TBC1D4: variants seen among roughly 807,000 people sequenced by gnomAD.
TBC1D4 encodes TBC (Tre-2, BUB2, CDC16) domain-containing protein.
A neutral mutation model predicts 142.5 loss-of-function variants in TBC1D4; 121 were observed. The ratio of observed to expected loss-of-function variants is 0.85; its 90% CI spans 0.73 to 0.99. The LOEUF is 0.99. Among genes scored for constraint, TBC1D4 ranks in the 50% least tolerant of loss-of-function variants. TBC1D4 has a pLI of 0.00. For synonymous variants in TBC1D4, 630 were observed against 628.2 expected (o/e 1.00, Z -0.04); for missense variants, 1,475 against 1,606.6 (o/e 0.92, Z 1.40).
At chr13:75,456,850 A>C (rs1489448219) in intron 1 of TBC1D4, among the ~76,000 whole-genome samples, 1 of 151,810 alleles carries the variant, frequency 6.6e-6, no homozygotes, top group African/African-American at 2.4e-5. Flanking sequence ...AAAAATGTCC[A>C]TAACACCTTT....
intron 1 of TBC1D4, among the ~76,000 whole-genome samples, chr13:75,441,755 C>G (rs1887051343): frequency 6.6e-6 from 1 of 152,160 alleles, no homozygotes; most frequent in African/African-American, 2.4e-5. Context: ...ACCCTTCAGC[C>G]TTCCCCAGTC....
rs115735788 is a variant in TBC1D4, at chr13:75,391,787, C to T, written c.499-29180G>A. 3.8e-3 allele frequency among the ~76,000 whole-genome samples: 585 copies of T among 152,330 alleles called. 8 individuals carry two copies. The highest frequency in any genetic ancestry group is 0.012 in the African/African-American group (508 of 41,576). On this transcript the variant is annotated intron_variant, in intron 1 of 20. Transcript: ENST00000377636. Reference sequence around the variant, plus strand: ...CTCTCTGAGCTCCTCGCCTGCCACTCTCCCTTACTCAGTCCACTCCAGCCA... The same window carrying T: ...CTCTCTGAGCTCCTCGCCTGCCACTTTCCCTTACTCAGTCCACTCCAGCCA...
At chr13:75,307,450 G>A (rs1339168960) in intron 14 of TBC1D4, among the ~76,000 whole-genome samples, 1 of 152,188 alleles carries the variant, frequency 6.6e-6, no homozygotes, top group South Asian at 2.1e-4. Context: ...ATGAAAAACT[G>A]ATTTCAAAAG....
At position 75,481,764 on chromosome 13, in the gene TBC1D4, C is replaced by T; in HGVS notation, c.4G>A (p.Glu2Lys). 6.4e-7 allele frequency: 1 copy of T among 1,574,394 alleles called. No individual in the cohort carries two copies. The highest frequency in any genetic ancestry group is 1.2e-5 in the South Asian group (1 of 85,708). ...TCATCCTGAATGCAGCTGGGCGGCT[C>T]CATAACTCTCGCCTCACCAGGGCAC... is the stretch of plus-strand genomic sequence containing the variant. The part of the protein sequence containing the change: M[E>K]PPSCIQDEPF... Residue 2 changes from glutamate (E) to lysine (K), a missense_variant, in exon 1 of 21, where the codon GAG becomes AAG. By Grantham distance (56) the Glu-to-Lys change is moderately conservative. Around this residue, in one of 2 missense-constraint regions of TBC1D4, gnomAD observed 1,227 missense variants for 1,267.7 expected, o/e 0.97. Transcript: ENST00000377636.
At chr13:75,402,906 G>T (rs1029270252) in intron 1 of TBC1D4, among the ~76,000 whole-genome samples, 8 of 152,104 alleles carry the variant, frequency 5.3e-5, no homozygotes, top group African/African-American at 1.9e-4. Flanking sequence ...CATACACAAG[G>T]TGTCTGAACA....
Position 75,362,278 on chromosome 13 carries a change from G to T in TBC1D4, c.828C>A (p.Thr276=). 1 of 1,613,776 alleles carries T rather than the reference G, an allele frequency of 6.2e-7. No individual in the cohort carries two copies. The highest frequency in any genetic ancestry group is 8.5e-7 in the Non-Finnish European group (1 of 1,179,960). Residue 276 remains threonine, a synonymous_variant, in exon 2 of 21, where the codon ACC becomes ACA. Coordinates refer to ENST00000377636, the MANE Select transcript of TBC1D4 (RefSeq NM_014832.5). The surrounding 1 kb of genome is among the most constrained non-coding windows in gnomAD (Gnocchi z 4.2). ...CLPEEADGTD[T]HLGLPAGASQ... ...TGGCCCCGGCAGGTAAGCCAAGGTGGGTGTCGGTGCCGTCAGCCTCCTCCG... is the reference window on the plus strand; with the variant it reads ...TGGCCCCGGCAGGTAAGCCAAGGTGTGTGTCGGTGCCGTCAGCCTCCTCCG...
intron 17 of TBC1D4, among the ~76,000 whole-genome samples, chr13:75,296,640 G>T (rs1443061548): frequency 6.6e-6 from 1 of 151,736 alleles, no homozygotes; most frequent in Non-Finnish European, 1.5e-5. Context: ...TAGATACCAA[G>T]GCAAACCTGC....
intron 7 of TBC1D4, among the ~76,000 whole-genome samples, chr13:75,340,047 T>C (rs1040230104): frequency 1.3e-5 from 2 of 152,264 alleles, no homozygotes; most frequent in Non-Finnish European, 2.9e-5. Context: ...AAGCCACTTA[T>C]TGACTTTATT....
intron 4 of TBC1D4, among the ~76,000 whole-genome samples, chr13:75,351,365 A>G (rs1428352521): frequency 6.6e-6 from 1 of 152,096 alleles, no homozygotes; most frequent in African/African-American, 2.4e-5. Flanking sequence ...AATGGCATCA[A>G]TCCTATTTTT....
Position 75,465,407 on chromosome 13 carries a change from GTGAA to G in TBC1D4, c.498+15859_498+15862del, listed in dbSNP as rs936941141. ...AAGGAATGGTTGAGGGAATGAGCAA[GTGAA>G]TGAATGAATGAATGAATGAGGTAAT... On this transcript the variant is annotated intron_variant, in intron 1 of 20. Coordinates refer to ENST00000377636, the MANE Select transcript of TBC1D4 (RefSeq NM_014832.5). 2.6e-4 allele frequency among the ~76,000 whole-genome samples: 40 copies of G among 152,318 alleles called. No homozygotes were observed. In the South Asian group the frequency reaches 4.1e-3, roughly 16 times the overall value.
intron 8 of TBC1D4, among the ~76,000 whole-genome samples, chr13:75,331,529 A>G (rs1879744498): frequency 1.3e-5 from 2 of 152,082 alleles, no homozygotes; most frequent in African/African-American, 4.8e-5. Context: ...TATATTAGTA[A>G]ATATTTCTGT....
chr13:75,296,787 C>T (rs1875972950), intron 17 of TBC1D4, among the ~76,000 whole-genome samples: 1 of 151,976 alleles, frequency 6.6e-6, no homozygotes, highest in African/African-American at 2.4e-5. Flanking sequence ...CAGAAAGCAG[C>T]AGAAACAAAC....
chr13:75,404,091 T>A (rs928556759), intron 1 of TBC1D4, among the ~76,000 whole-genome samples: 2 of 102,982 alleles, frequency 1.9e-5, no homozygotes, highest in Admixed American at 8.9e-5. Flanking sequence ...CACACACATC[T>A]CCCCAGCAAA....
intron 1 of TBC1D4, among the ~76,000 whole-genome samples, chr13:75,364,826 C>T (rs1212730320): frequency 6.6e-6 from 1 of 152,184 alleles, no homozygotes; most frequent in Non-Finnish European, 1.5e-5. Flanking sequence ...AAGTATGCCT[C>T]CAAAAGTGTC....
chr13:75,429,931 C>T (rs1026837880), intron 1 of TBC1D4, among the ~76,000 whole-genome samples: 11 of 152,104 alleles, frequency 7.2e-5, no homozygotes, highest in Admixed American at 3.3e-4. Context: ...TTGTAATCTA[C>T]ATAATAATGT....
chr13:75,309,908 G>C (rs1440261026), intron 14 of TBC1D4, 34 bp downstream of exon 14: 1 of 1,605,626 alleles, frequency 6.2e-7, no homozygotes, highest in South Asian at 1.1e-5. Flanking sequence ...TTCAATCATA[G>C]CATCATAGCA....
intron 1 of TBC1D4, among the ~76,000 whole-genome samples, chr13:75,470,327 G>T (rs1464916151): frequency 6.6e-6 from 1 of 152,088 alleles, no homozygotes; most frequent in Non-Finnish European, 1.5e-5. Flanking sequence ...AAAAATAAAG[G>T]CTATAGTTTT....
chr13:75,425,110 G>A (rs1182554133), intron 1 of TBC1D4, among the ~76,000 whole-genome samples: 1 of 148,218 alleles, frequency 6.7e-6, no homozygotes. Flanking sequence ...CTGATAAGGG[G>A]TTAATATCCC....
At chr13:75,342,112 A>G (rs1191402674) in intron 5 of TBC1D4, among the ~76,000 whole-genome samples, 1 of 152,182 alleles carries the variant, frequency 6.6e-6, no homozygotes, top group Non-Finnish European at 1.5e-5. Context: ...CAGGAGACTC[A>G]CTTGAACATG....
Sources: gnomAD v4.1 joint callset for allele counts (sites outside exome capture counted in the v4.1 genomes callset) on GRCh38, gnomAD v4.1.1 for gene constraint, gnomAD v4.1.1 regional missense constraint, Gnocchi (gnomAD v3.1) non-coding constraint, MANE v1.5 for transcripts, NCBI Gene and HGNC (gene_info 2026-07-23, HGNC 2026-07-21) for gene names.